The following CDH12 variants were observed in gnomAD, a reference collection of about 807,000 sequenced individuals.
CDH12 encodes the protein cadherin-12.
A neutral mutation model predicts 74.1 loss-of-function variants in CDH12; 41 were observed. The ratio of observed to expected loss-of-function variants is 0.55; its 90% CI spans 0.43 to 0.72. The LOEUF is 0.72. Among genes scored for constraint, CDH12 ranks in the 30% least tolerant of loss-of-function variants. CDH12 has a pLI of 0.00. For missense variants in CDH12, 945 were observed against 977.2 expected (o/e 0.97, Z 0.44); for synonymous variants, 399 against 355.0 (o/e 1.12, Z -1.39).
intron 1 of CDH12, among the ~76,000 whole-genome samples, chr5:22,766,699 T>C (rs1746533416): frequency 6.6e-6 from 1 of 152,088 alleles, no homozygotes; most frequent in African/African-American, 2.4e-5. Context: ...GAAAAAAGAT[T>C]GCATTTGTAC....
At chr5:22,618,881 T>C (rs1374603316) in intron 1 of CDH12, among the ~76,000 whole-genome samples, 1 of 152,022 alleles carries the variant, frequency 6.6e-6, no homozygotes, top group Non-Finnish European at 1.5e-5. Flanking sequence ...CTGATGGTTT[T>C]ATAAAGGGAG....
intron 2 of CDH12, among the ~76,000 whole-genome samples, chr5:22,484,494 A>G (rs1242910384): frequency 6.6e-6 from 1 of 152,230 alleles, no homozygotes; most frequent in Non-Finnish European, 1.5e-5. Flanking sequence ...TGAAAGCATA[A>G]TGAGAATTGT....
At chr5:22,340,253 G>A (rs1236700719) in intron 3 of CDH12, among the ~76,000 whole-genome samples, 1 of 152,178 alleles carries the variant, frequency 6.6e-6, no homozygotes, top group Non-Finnish European at 1.5e-5. Context: ...TGGGCTGGGT[G>A]CCGTGGCTCA....
chr5:22,770,906 G>A (rs1746771844), intron 1 of CDH12, among the ~76,000 whole-genome samples: 1 of 152,056 alleles, frequency 6.6e-6, no homozygotes, highest in South Asian at 2.1e-4. Context: ...TCTGTTGGTA[G>A]CGATTCTGTA....
intron 1 of CDH12, among the ~76,000 whole-genome samples, chr5:22,705,713 AT>A (rs554267544): frequency 1.4e-4 from 22 of 151,954 alleles, no homozygotes; most frequent in African/African-American, 4.3e-4. Context: ...AGATAATTAC[AT>A]TTTTTTTCCT....
At chr5:22,194,308 C>CTTTTTTTTTTTTTTTTTTTTTT (rs59899245) in intron 4 of CDH12, among the ~76,000 whole-genome samples, 21 of 139,840 alleles carry the variant, frequency 1.5e-4, no homozygotes, top group Non-Finnish European at 2.3e-4. Context: ...CTTTTTCTTT[C>CTTTTTTTTTTTTTTTTTTTTTT]TTTTTTTTTT....
intron 3 of CDH12, among the ~76,000 whole-genome samples, chr5:22,252,080 C>G (rs1359623444): frequency 6.6e-6 from 1 of 151,982 alleles, no homozygotes; most frequent in Admixed American, 6.6e-5. Context: ...CAGCTCCTCT[C>G]TATTTAAATA....
At chr5:21,754,127 G>C (rs943388913) in intron 14 of CDH12, among the ~76,000 whole-genome samples, 1 of 152,118 alleles carries the variant, frequency 6.6e-6, no homozygotes, top group Admixed American at 6.5e-5. Flanking sequence ...CAGATGTTCC[G>C]GCAGAAATGA....
intron 1 of CDH12, among the ~76,000 whole-genome samples, chr5:22,594,447 T>C (rs1302453461): frequency 6.6e-6 from 1 of 152,116 alleles, no homozygotes; most frequent in Non-Finnish European, 1.5e-5. Flanking sequence ...AATTAGTTCC[T>C]ACAGTGAACA....
intron 2 of CDH12, among the ~76,000 whole-genome samples, chr5:22,431,689 T>C (rs1049305279): frequency 3.3e-5 from 5 of 152,212 alleles, no homozygotes; most frequent in African/African-American, 1.2e-4. Context: ...AAGACAGTGA[T>C]GTTGATGATG....
At chr5:22,412,547 A>T (rs1743208639) in intron 2 of CDH12, among the ~76,000 whole-genome samples, 1 of 151,898 alleles carries the variant, frequency 6.6e-6, no homozygotes, top group Non-Finnish European at 1.5e-5. Flanking sequence ...TATCTTTGTC[A>T]TTTACAGGTT....
intron 1 of CDH12, among the ~76,000 whole-genome samples, chr5:22,757,937 G>T (rs1345603754): frequency 6.6e-6 from 1 of 152,188 alleles, no homozygotes; most frequent in Non-Finnish European, 1.5e-5. Flanking sequence ...ATCATGAAGT[G>T]GGGAGGGGTA....
intron 1 of CDH12, among the ~76,000 whole-genome samples, chr5:22,512,266 A>G (rs1371225001): frequency 6.6e-6 from 1 of 152,168 alleles, no homozygotes; most frequent in Admixed American, 6.6e-5. Flanking sequence ...TTTTATCAGT[A>G]AAGAGGATAT....
At chr5:21,820,756 C>A (rs773391360) in intron 8 of CDH12, among the ~76,000 whole-genome samples, 1 of 151,944 alleles carries the variant, frequency 6.6e-6, no homozygotes, top group Non-Finnish European at 1.5e-5. Flanking sequence ...TGAGGTCATT[C>A]AGATTAATTC....
intron 2 of CDH12, among the ~76,000 whole-genome samples, chr5:22,440,284 G>GA (rs1159557932): frequency 3.3e-5 from 5 of 152,076 alleles, no homozygotes; most frequent in African/African-American, 9.7e-5. Context: ...GTTCCTTGAT[G>GA]AAAAGTTAAT....
chr5:21,838,710 A>G (rs1749675706), intron 8 of CDH12, among the ~76,000 whole-genome samples: 1 of 152,172 alleles, frequency 6.6e-6, no homozygotes, highest in Admixed American at 6.5e-5. Context: ...TACTCTTTTC[A>G]TTTGTTAAGA....
intron 3 of CDH12, among the ~76,000 whole-genome samples, chr5:22,270,445 A>G (rs1736342438): frequency 6.6e-6 from 1 of 151,792 alleles, no homozygotes; most frequent in South Asian, 2.1e-4. Context: ...AATACAAAAA[A>G]TTAGCCAGGC....
rs180682583 is a variant in CDH12 at position 21,866,116 on chromosome 5, G to T, written c.527-11326C>A. On this transcript the variant is annotated intron_variant, in intron 6 of 14. Transcript: ENST00000382254. ...ATGCCTTTCACCTTCCACCAGGATT[G>T]TGAGGCCTCTCCAGTCATGTGGAAC... Among the ~76,000 whole-genome samples the T allele has an allele frequency of 6.8e-4, 104 of 152,300 alleles. 1 individual carries two copies. The highest frequency in any genetic ancestry group is 5.2e-3 in the East Asian group (27 of 5,178).
chr5:22,190,358 G>GTCTGTCTA (rs1554019174), intron 4 of CDH12, among the ~76,000 whole-genome samples: 12 of 119,768 alleles, frequency 1.0e-4, no homozygotes, highest in African/African-American at 2.4e-4. Context: ...CTGTCTGTCT[G>GTCTGTCTA]TCTATCTATC....
Sources: gnomAD v4.1 joint callset for allele counts (sites outside exome capture counted in the v4.1 genomes callset) on GRCh38, gnomAD v4.1.1 for gene constraint, MANE v1.5 for transcripts, NCBI Gene and HGNC (gene_info 2026-07-23, HGNC 2026-07-21) for gene names.